The following WDR7 variants were observed in gnomAD, a reference collection of about 807,000 sequenced individuals.
WDR7 encodes the protein WD repeat domain 7.
A neutral mutation model predicts 169.4 loss-of-function variants in WDR7; 46 were observed. The observed-to-expected ratio is 0.27, with a 90% CI of 0.21 to 0.35. The LOEUF (loss-of-function observed/expected upper bound fraction) is 0.35. Ranked by LOEUF, WDR7 falls within the 10% of genes least tolerant of loss-of-function variation. The pLI is 1.00. For missense variants in WDR7, 1,534 were observed against 1,859.3 expected, an observed-to-expected ratio of 0.83 and a Z score of 3.22; for synonymous variants, 612 against 666.8, an observed-to-expected ratio of 0.92 and a Z score of 1.27.
chr18:56,720,462 C>CA (rs112738521), intron 13 of WDR7, among the ~76,000 whole-genome samples: 163 of 151,414 alleles, frequency 1.1e-3, no homozygotes, highest in African/African-American at 2.7e-3. Flanking sequence ...AATAAACAAA[C>CA]AAAAAAAACC....
intron 20 of WDR7, among the ~76,000 whole-genome samples, chr18:56,830,309 G>A (rs2045286108): frequency 6.6e-6 from 1 of 151,976 alleles, no homozygotes; most frequent in African/African-American, 2.4e-5. Flanking sequence ...CAATAGAAGG[G>A]GTCATTCTTC....
intron 26 of WDR7, among the ~76,000 whole-genome samples, chr18:56,988,362 T>A (rs1475601333): frequency 1.3e-5 from 2 of 152,200 alleles, no homozygotes; most frequent in African/African-American, 4.8e-5. Flanking sequence ...AGCACTCCAG[T>A]TGAGGCAAAA....
chr18:56,992,134 AG>A (rs2047827448), intron 26 of WDR7, among the ~76,000 whole-genome samples: 1 of 152,236 alleles, frequency 6.6e-6, no homozygotes, highest in Non-Finnish European at 1.5e-5. Context: ...ACCTATCTTA[AG>A]ACAACTGATC....
chr18:56,998,278 C>T (rs1346538882), intron 26 of WDR7, among the ~76,000 whole-genome samples: 1 of 152,150 alleles, frequency 6.6e-6, no homozygotes, highest in Non-Finnish European at 1.5e-5. Flanking sequence ...TGTGCTCGTT[C>T]CCCAGGATTT....
At chr18:56,792,612 G>T (rs116422562) in intron 19 of WDR7, among the ~76,000 whole-genome samples, 103 of 133,974 alleles carry the variant, frequency 7.7e-4, no homozygotes, top group Non-Finnish European at 7.2e-4. Context: ...TTAAATCTTT[G>T]TTTTTTTTTT....
At chr18:56,686,376 T>A (rs1001614034) in intron 6 of WDR7, among the ~76,000 whole-genome samples, 1 of 152,098 alleles carries the variant, frequency 6.6e-6, no homozygotes, top group Non-Finnish European at 1.5e-5. Context: ...CCACAAAAAA[T>A]ATACAAAGCC....
chr18:56,810,106 A>G (rs1421697306), intron 19 of WDR7, among the ~76,000 whole-genome samples: 3 of 152,194 alleles, frequency 2.0e-5, no homozygotes, highest in Non-Finnish European at 4.4e-5. Context: ...AAAAAATATT[A>G]TTCCTTCTTT....
At chr18:56,732,868 A>T (rs949288612) in intron 14 of WDR7, among the ~76,000 whole-genome samples, 3 of 152,218 alleles carry the variant, frequency 2.0e-5, no homozygotes, top group African/African-American at 7.2e-5. Context: ...CAAATTTATA[A>T]AACAATATGT....
rs577365943 is a variant in WDR7, at chr18:57,027,399, A to G, written c.*192A>G. 1.5e-6 allele frequency: 1 copy of G among 660,846 alleles called. No individual in the cohort carries two copies. The highest frequency in any genetic ancestry group is 1.8e-5 in the African/African-American group (1 of 55,188). The allele number at this position is 660,846 out of a possible 1,614,324, so 40.9% of individuals were successfully genotyped here. A position where few individuals can be genotyped will look rare whatever the true frequency, so the allele number is the denominator to read the frequency against. ...CCGCTCGTGCCATCTGTCGATTCAG[A>G]GGCACGCACACATGCTCTGCAGGAT... On this transcript the variant is annotated 3_prime_UTR_variant, in exon 28 of 28. Coordinates refer to ENST00000254442, the MANE Select transcript of WDR7 (RefSeq NM_015285.3).
At chr18:56,889,014 T>G (rs1188467552) in intron 21 of WDR7, among the ~76,000 whole-genome samples, 3 of 152,168 alleles carry the variant, frequency 2.0e-5, no homozygotes, top group Admixed American at 6.5e-5. Flanking sequence ...TAATATCCCC[T>G]TGTCAGTCAG....
intron 9 of WDR7, among the ~76,000 whole-genome samples, chr18:56,693,692 C>T (rs1275783149): frequency 2.0e-5 from 3 of 149,598 alleles, no homozygotes; most frequent in Non-Finnish European, 4.4e-5. Context: ...CTGCCTCAGC[C>T]TCCCGAGTAG....
chr18:56,969,431 A>G (rs2047453585), intron 26 of WDR7, among the ~76,000 whole-genome samples: 1 of 152,226 alleles, frequency 6.6e-6, no homozygotes. Context: ...ATTCGCTGTC[A>G]TTCCCTATAC....
intron 22 of WDR7, among the ~76,000 whole-genome samples, chr18:56,929,579 G>A (rs1277158021): frequency 6.6e-6 from 1 of 152,180 alleles, no homozygotes; most frequent in Non-Finnish European, 1.5e-5. Flanking sequence ...GGTACTCTAA[G>A]AGCCAAGACT....
chr18:56,991,380 C>T (rs564017633), intron 26 of WDR7, among the ~76,000 whole-genome samples: 11 of 152,160 alleles, frequency 7.2e-5, no homozygotes, highest in African/African-American at 2.4e-4. Context: ...CTTCTGACCT[C>T]GTGATCCGCC....
intron 20 of WDR7, among the ~76,000 whole-genome samples, chr18:56,860,701 AAAAAAT>A (rs1414635689): frequency 6.7e-6 from 1 of 150,138 alleles, no homozygotes; most frequent in Non-Finnish European, 1.5e-5. Context: ...ATCTTAGTTA[AAAAAAT>A]GTCTTTATTA....
intron 20 of WDR7, among the ~76,000 whole-genome samples, chr18:56,856,149 A>G (rs975336384): frequency 6.6e-6 from 1 of 152,198 alleles, no homozygotes; most frequent in Non-Finnish European, 1.5e-5. Flanking sequence ...ATCACAGTGC[A>G]CTGACACACT....
chr18:56,783,529 A>G (rs1175300660), intron 19 of WDR7, among the ~76,000 whole-genome samples: 1 of 152,134 alleles, frequency 6.6e-6, no homozygotes, highest in Non-Finnish European at 1.5e-5. Context: ...TTTTTTAAAA[A>G]TAAGAATGCT....
chr18:56,775,819 T>C lies in WDR7; in HGVS notation c.2849-963T>C, dbSNP rs1455071467. On this transcript the variant is annotated intron_variant, in intron 16 of 27. Coordinates refer to ENST00000254442, the MANE Select transcript of WDR7 (RefSeq NM_015285.3). ...TTCTGTTGTCACAAAAGAACTTCACTGCATGAAAAGCAAACATATCATTCA... is the reference window on the plus strand; with the variant it reads ...TTCTGTTGTCACAAAAGAACTTCACCGCATGAAAAGCAAACATATCATTCA... Among the ~76,000 whole-genome samples, 3 of 152,284 alleles carry C rather than the reference T, an allele frequency of 2.0e-5. No homozygotes were observed. In the East Asian group the frequency reaches 5.8e-4, roughly 29 times the overall value.
At chr18:56,762,504 A>G (rs1204666166) in intron 16 of WDR7, among the ~76,000 whole-genome samples, 1 of 151,726 alleles carries the variant, frequency 6.6e-6, no homozygotes, top group African/African-American at 2.4e-5. Flanking sequence ...GTTAAGTAGT[A>G]CATATTTAGG....
Sources: allele counts gnomAD v4.1 joint callset (sites outside exome capture counted in the v4.1 genomes callset), GRCh38; gene constraint gnomAD v4.1.1; transcripts MANE v1.5; gene names NCBI Gene and HGNC (gene_info 2026-07-23, HGNC 2026-07-21).